Variants in R3HCC1L observed in about 807,000 individuals in gnomAD.
R3HCC1L encodes coiled-coil domain-containing protein R3HCC1L.
Under a neutral mutation model 59.9 loss-of-function variants are expected in R3HCC1L, and 51 were observed. The observed-to-expected ratio is 0.85, with a 90% CI of 0.68 to 1.07. The LOEUF (loss-of-function observed/expected upper bound fraction) is 1.07, where lower values mean the gene tolerates loss of function less well. Among genes scored for constraint, R3HCC1L ranks in the 50% least tolerant of loss-of-function variants. R3HCC1L has a pLI of 0.00. For synonymous variants in R3HCC1L, 322 were observed against 315.2 expected (o/e 1.02, Z -0.23); for missense variants, 965 against 933.0 (o/e 1.03, Z -0.45).
chr10:98,214,688 C>T (rs1010553889), intron 5 of R3HCC1L, among the ~76,000 whole-genome samples: 1 of 152,076 alleles, frequency 6.6e-6, no homozygotes. Flanking sequence ...TAAAAGTACC[C>T]ATGAAAACGT....
At chr10:98,207,252 GAAAATTAAAAGAA>G (rs1852798142) in intron 4 of R3HCC1L, among the ~76,000 whole-genome samples, 1 of 152,104 alleles carries the variant, frequency 6.6e-6, no homozygotes, top group South Asian at 2.1e-4. Flanking sequence ...GCATTATTTT[GAAAATTAAAAGAA>G]TAATTCAATA....
Position 98,152,581 on chromosome 10 carries a change from TGAG to T in R3HCC1L, c.-267-3508_-267-3506del, listed in dbSNP as rs1259524034. On this transcript the variant is annotated intron_variant, in intron 1 of 9. Transcript: ENST00000298999. ...CCCGGCCGCCATCCCGTCTAGGAAG[TGAG>T]GAGCGTCTCTGCCCAGCCGCCCATA... Among the ~76,000 whole-genome samples, 3 of 122,756 alleles carry T rather than the reference TGAG, an allele frequency of 2.4e-5. 1 individual carries two copies. Among genetic ancestry groups the T allele is most frequent in the African/African-American group, 8.3e-5 (3 of 36,322 alleles). 80.5% of individuals were successfully genotyped at this position (122,756 alleles called of 152,430 possible).
chr10:98,154,849 A>T (rs1024482579), intron 1 of R3HCC1L, among the ~76,000 whole-genome samples: 13 of 152,172 alleles, frequency 8.5e-5, no homozygotes, highest in Non-Finnish European at 7.3e-5. Context: ...CATCAACAGG[A>T]TGTTGTTTTT....
intron 1 of R3HCC1L, among the ~76,000 whole-genome samples, chr10:98,145,569 T>A (rs2133926466): frequency 6.6e-6 from 1 of 152,312 alleles, no homozygotes; most frequent in African/African-American, 2.4e-5. Flanking sequence ...TAAAGTAATG[T>A]TTTTGGGGAC....
At position 98,209,343 on chromosome 10, in the gene R3HCC1L, GAAGTTTCTCA is replaced by G. The variant is rs1564700255; in HGVS notation, c.1236_1245del (p.Phe412LeufsTer2). On this transcript the variant is annotated frameshift_variant, in exon 5 of 10. Coordinates refer to ENST00000298999, the MANE Select transcript of R3HCC1L (RefSeq NM_001351015.2). LOFTEE classifies it high-confidence loss of function. ...GCTGATGAGACCTCTATTAATACAC[GAAGTTTCTCA>G]AAGTTTGTAGGAATGAGTGCAGATG... The G allele has an allele frequency of 6.2e-7, 1 of 1,613,826 alleles. No individual in the cohort carries two copies. The highest frequency in any genetic ancestry group is 8.5e-7 in the Non-Finnish European group (1 of 1,180,008).
chr10:98,236,575 A>G (rs1856986104), intron 9 of R3HCC1L, among the ~76,000 whole-genome samples: 1 of 152,222 alleles, frequency 6.6e-6, no homozygotes, highest in African/African-American at 2.4e-5. Context: ...GAGGTAGAAG[A>G]CAAATTTAGG....
At chr10:98,209,981 C>A (rs1157264181) in intron 5 of R3HCC1L, 82 bp downstream of exon 5, 1 of 1,072,558 alleles carries the variant, frequency 9.3e-7, no homozygotes, top group Non-Finnish European at 1.4e-6. Context: ...CAGTGATGCA[C>A]ATTCACTGAT....
intron 5 of R3HCC1L, chr10:98,231,009 C>T: frequency 2.4e-6 from 1 of 417,636 alleles, no homozygotes; most frequent in South Asian, 1.8e-5. Flanking sequence ...TGTAAGCTGT[C>T]TCCTCACCCT....
At chr10:98,236,680 T>A (rs182635187) in intron 9 of R3HCC1L, among the ~76,000 whole-genome samples, 2 of 152,304 alleles carry the variant, frequency 1.3e-5, no homozygotes, top group East Asian at 3.9e-4. Context: ...TACATCTAGA[T>A]TTACCTGTCT....
At chr10:98,169,438 T>C (rs1848294254) in intron 4 of R3HCC1L, among the ~76,000 whole-genome samples, 1 of 152,232 alleles carries the variant, frequency 6.6e-6, no homozygotes, top group Non-Finnish European at 1.5e-5. Flanking sequence ...TGAGATAATG[T>C]ATATACAATG....
At chr10:98,183,912 G>A (rs892145042) in intron 4 of R3HCC1L, among the ~76,000 whole-genome samples, 4 of 146,304 alleles carry the variant, frequency 2.7e-5, no homozygotes, top group African/African-American at 1.0e-4. Flanking sequence ...GGTTGTATCC[G>A]AATCTGGTTC....
At chr10:98,169,808 C>G (rs954632916) in intron 4 of R3HCC1L, among the ~76,000 whole-genome samples, 2 of 151,278 alleles carry the variant, frequency 1.3e-5, no homozygotes, top group Non-Finnish European at 1.5e-5. Flanking sequence ...ATAAATCAGC[C>G]TTTATATGAG....
intron 1 of R3HCC1L, among the ~76,000 whole-genome samples, chr10:98,155,802 G>GTT (rs71488851): frequency 4.2e-5 from 6 of 142,628 alleles, no homozygotes; most frequent in East Asian, 2.0e-4. Context: ...TGATTTACTG[G>GTT]TTTTTTTTTT....
intron 9 of R3HCC1L, among the ~76,000 whole-genome samples, chr10:98,238,542 C>T (rs1857197807): frequency 6.6e-6 from 1 of 152,096 alleles, no homozygotes. Context: ...GATGATATTG[C>T]ATTATGATAA....
chr10:98,176,664 CTTCT>C (rs1330221129), intron 4 of R3HCC1L, among the ~76,000 whole-genome samples: 4 of 152,112 alleles, frequency 2.6e-5, no homozygotes, highest in Non-Finnish European at 5.9e-5. Context: ...GACAGTATTA[CTTCT>C]TTCTTCCAAT....
intron 1 of R3HCC1L, among the ~76,000 whole-genome samples, chr10:98,152,388 TGAG>T (rs1160406718): frequency 6.6e-6 from 1 of 151,308 alleles, no homozygotes; most frequent in East Asian, 2.0e-4. Flanking sequence ...GTCTGGGAAG[TGAG>T]GAGCGTCTCT....
At chr10:98,227,238 T>C (rs1027392785) in intron 5 of R3HCC1L, among the ~76,000 whole-genome samples, 2 of 152,324 alleles carry the variant, frequency 1.3e-5, no homozygotes, top group South Asian at 2.1e-4. Context: ...ATAGGTACTG[T>C]TATTATTCCC....
intron 2 of R3HCC1L, among the ~76,000 whole-genome samples, chr10:98,156,747 A>G (rs1389842233): frequency 6.6e-6 from 1 of 152,204 alleles, no homozygotes; most frequent in Non-Finnish European, 1.5e-5. Context: ...TCCTAACTTT[A>G]AATTGACTGA....
At chr10:98,181,345 G>A (rs1381782998) in intron 4 of R3HCC1L, among the ~76,000 whole-genome samples, 1 of 152,160 alleles carries the variant, frequency 6.6e-6, no homozygotes, top group Non-Finnish European at 1.5e-5. Flanking sequence ...GTTGAATATT[G>A]GACCCCACTC....
Sources: allele counts gnomAD v4.1 joint callset (sites outside exome capture counted in the v4.1 genomes callset), GRCh38; gene constraint gnomAD v4.1.1; transcripts MANE v1.5; gene names NCBI Gene and HGNC (gene_info 2026-07-23, HGNC 2026-07-21).